The following ATG4C variants were observed in gnomAD, a reference collection of about 807,000 sequenced individuals.
ATG4C encodes the protein autophagy related 4C cysteine peptidase.
ATG4C carries 56 observed loss-of-function variants against 57.6 expected under a neutral mutation model. The observed-to-expected ratio is 0.97, with a 90% CI of 0.78 to 1.21. The LOEUF (loss-of-function observed/expected upper bound fraction) is 1.21. Ranked by LOEUF, ATG4C falls within the 50% of genes most tolerant of loss-of-function variation. The pLI, the probability that ATG4C is intolerant of heterozygous loss-of-function variation, is 0.00. For missense variants in ATG4C, 595 were observed against 529.8 expected (o/e 1.12, Z -1.21); for synonymous variants, 157 against 174.1 (o/e 0.90, Z 0.78).
At chr1:62,811,896 A>T (rs978175119) in intron 3 of ATG4C, among the ~76,000 whole-genome samples, 1 of 152,186 alleles carries the variant, frequency 6.6e-6, no homozygotes, top group African/African-American at 2.4e-5. Flanking sequence ...ATTTCATTAT[A>T]ACAATGATGA....
At chr1:62,819,525 T>A (rs1047457582) in intron 5 of ATG4C, among the ~76,000 whole-genome samples, 190 bp downstream of exon 5, 3 of 152,048 alleles carry the variant, frequency 2.0e-5, no homozygotes, top group Non-Finnish European at 2.9e-5. Flanking sequence ...TTTAATTTAT[T>A]TACTGACAAA....
chr1:62,830,308 A>G (rs1039583314), intron 7 of ATG4C, among the ~76,000 whole-genome samples: 5 of 152,086 alleles, frequency 3.3e-5, no homozygotes, highest in African/African-American at 1.2e-4. Context: ...CACTTCATCT[A>G]GAGAATCTGT....
At position 62,810,547 on chromosome 1, in the gene ATG4C, G is replaced by A. The variant is rs562238673; in HGVS notation, c.160+5292G>A. 1.2e-4 allele frequency among the ~76,000 whole-genome samples: 18 copies of A among 152,094 alleles called. 1 individual carries two copies. The South Asian group carries it at 2.7e-3, about 23-fold the overall frequency. ...ATTATCTTTTGATGCTCAAATTGTC[G>A]TGACATTGGCCAGTGGAAGGTCCTT... On this transcript the variant is annotated intron_variant, in intron 3 of 10. Coordinates refer to ENST00000317868, the MANE Select transcript of ATG4C (RefSeq NM_032852.4).
chr1:62,845,281 C>T (rs1243656763), intron 10 of ATG4C, among the ~76,000 whole-genome samples: 1 of 152,034 alleles, frequency 6.6e-6, no homozygotes, highest in African/African-American at 2.4e-5. Context: ...AAAATTTTAA[C>T]CAATCTCGTG....
At chr1:62,787,861 A>G (rs1664142570) in intron 1 of ATG4C, among the ~76,000 whole-genome samples, 1 of 152,174 alleles carries the variant, frequency 6.6e-6, no homozygotes, top group African/African-American at 2.4e-5. Context: ...TATCATTATT[A>G]TAATAGTGAT....
At chr1:62,793,597 G>GAAAAAAAAAAAAAAAAAAAAAAAA (rs746057232) in intron 1 of ATG4C, among the ~76,000 whole-genome samples, 2 of 20,526 alleles carry the variant, frequency 9.7e-5, no homozygotes, top group Non-Finnish European at 8.9e-5. Context: ...ACCTTGTCTC[G>GAAAAAAAAAAAAAAAAAAAAAAAA]AAAAAAAAAA....
rs1047194653 is a variant in ATG4C at position 62,806,411 on chromosome 1, G to A, written c.160+1156G>A. Among the ~76,000 whole-genome samples, 10 of 151,948 alleles carry A rather than the reference G, an allele frequency of 6.6e-5. No individual in the cohort carries two copies. In the East Asian group the frequency reaches 7.7e-4, roughly 12 times the overall value. Reference sequence around the variant, plus strand: ...ACCACAGCAATACGTATGGTTGAGCGTATGGATTTATATATATATGTCTGA... The same window carrying A: ...ACCACAGCAATACGTATGGTTGAGCATATGGATTTATATATATATGTCTGA... On this transcript the variant is annotated intron_variant, in intron 3 of 10. Transcript: ENST00000317868.
chr1:62,837,372 T>A (rs1407364399), intron 9 of ATG4C, among the ~76,000 whole-genome samples: 1 of 152,144 alleles, frequency 6.6e-6, no homozygotes, highest in East Asian at 1.9e-4. Flanking sequence ...CATGGTTCAG[T>A]GTGAGGGCAC....
chr1:62,822,521 ATT>A (rs1234684187), intron 6 of ATG4C, among the ~76,000 whole-genome samples: 1 of 152,226 alleles, frequency 6.6e-6, no homozygotes, highest in Non-Finnish European at 1.5e-5. Context: ...CAGCCTAGAT[ATT>A]TGTTACATAT....
chr1:62,825,556 T>C (rs1305189578), intron 6 of ATG4C, among the ~76,000 whole-genome samples: 4 of 152,176 alleles, frequency 2.6e-5, no homozygotes, highest in Non-Finnish European at 4.4e-5. Context: ...CTCATCTTTT[T>C]TTCTGTCTAT....
intron 10 of ATG4C, among the ~76,000 whole-genome samples, chr1:62,858,426 T>G (rs1666750418): frequency 6.6e-6 from 1 of 152,214 alleles, no homozygotes; most frequent in Admixed American, 6.5e-5. Flanking sequence ...AATATTTCAG[T>G]TCTCCCATCT....
At chr1:62,848,565 G>A (rs545136403) in intron 10 of ATG4C, among the ~76,000 whole-genome samples, 4 of 152,150 alleles carry the variant, frequency 2.6e-5, no homozygotes, top group Non-Finnish European at 5.9e-5. Flanking sequence ...TTATAGAAAA[G>A]TTGTAAATAT....
At chr1:62,827,566 T>G (rs1665703643) in intron 6 of ATG4C, among the ~76,000 whole-genome samples, 1 of 152,188 alleles carries the variant, frequency 6.6e-6, no homozygotes, top group Admixed American at 6.5e-5. Context: ...GAGTGGGAAT[T>G]TTTCTGTTTT....
rs555218119 is a variant in ATG4C at position 62,858,349 on chromosome 1, C to G, written c.1210-5643C>G. ...TAGTGGTTACACCAGAACAAAACTA[C>G]CTATGCTTAGATCCTGACTGTGTCA... On this transcript the variant is annotated intron_variant, in intron 10 of 10. Coordinates refer to ENST00000317868, the MANE Select transcript of ATG4C (RefSeq NM_032852.4). 3.3e-5 allele frequency among the ~76,000 whole-genome samples: 5 copies of G among 152,286 alleles called. No homozygotes were observed. The South Asian group carries it at 8.3e-4, about 25-fold the overall frequency.
At chr1:62,844,386 T>A (rs538854208) in intron 10 of ATG4C, among the ~76,000 whole-genome samples, 133 of 152,252 alleles carry the variant, frequency 8.7e-4, no homozygotes, top group Non-Finnish European at 1.5e-3. Flanking sequence ...CTATTTAGGT[T>A]AAAAATGATG....
chr1:62,815,502 T>A (rs1665239224), intron 3 of ATG4C, among the ~76,000 whole-genome samples: 1 of 152,210 alleles, frequency 6.6e-6, no homozygotes, highest in Non-Finnish European at 1.5e-5. Context: ...TTATTTTGGT[T>A]TAAATAGTCA....
chr1:62,800,590 C>T (rs1664626436), intron 1 of ATG4C, among the ~76,000 whole-genome samples: 1 of 152,110 alleles, frequency 6.6e-6, no homozygotes, highest in African/African-American at 2.4e-5. Context: ...TTTTCCTTTT[C>T]TTGCTTTTCC....
At chr1:62,852,520 C>T (rs1464623148) in intron 10 of ATG4C, among the ~76,000 whole-genome samples, 1 of 151,858 alleles carries the variant, frequency 6.6e-6, no homozygotes, top group Non-Finnish European at 1.5e-5. Context: ...GAGGATTTAA[C>T]TCTCTTCCCA....
intron 3 of ATG4C, among the ~76,000 whole-genome samples, chr1:62,809,480 CATAT>C (rs200182665): frequency 1.0e-4 from 15 of 145,244 alleles, no homozygotes; most frequent in African/African-American, 3.5e-4. Context: ...TACATATAGA[CATAT>C]ATAGTGTATA....
Sources: gnomAD v4.1 joint callset for allele counts (sites outside exome capture counted in the v4.1 genomes callset) on GRCh38, gnomAD v4.1.1 for gene constraint, MANE v1.5 for transcripts, NCBI Gene and HGNC (gene_info 2026-07-23, HGNC 2026-07-21) for gene names.